Variants in PIP4K2B observed in about 807,000 individuals in gnomAD.
The protein encoded by PIP4K2B is phosphatidylinositol-5-phosphate 4-kinase type 2 beta.
PIP4K2B carries 3 observed loss-of-function variants against 42.0 expected under a neutral mutation model. The ratio of observed to expected loss-of-function variants is 0.07; its 90% CI spans 0.03 to 0.18. The LOEUF (loss-of-function observed/expected upper bound fraction) is 0.18, where lower values mean the gene tolerates loss of function less well. Among genes scored for constraint, PIP4K2B ranks in the 10% least tolerant of loss-of-function variants. PIP4K2B has a pLI of 1.00. For missense variants in PIP4K2B, 332 were observed against 562.3 expected (o/e 0.59, Z 4.14); for synonymous variants, 204 against 210.1 (o/e 0.97, Z 0.25).
intron 7 of PIP4K2B, among the ~76,000 whole-genome samples, 165 bp from the exon 8 acceptor site, chr17:38,771,437 C>CTAAG (rs25540): frequency 0.92 from 140,105 of 151,776 alleles, 64,741 homozygotes; most frequent in East Asian, 1. Flanking sequence ...CGCGAGCTCT[C>CTAAG]TCTAATGGGG....
rs1488649478 is a variant in PIP4K2B, at chr17:38,779,377, C to G, written c.654+6G>C. ...GCACAGCTCCGGCAAACACAGAGCCCTTTACCTTGAGGTCATACTTGCGAT... is the reference window on the plus strand; with the variant it reads ...GCACAGCTCCGGCAAACACAGAGCCGTTTACCTTGAGGTCATACTTGCGAT... On this transcript the variant is annotated splice_donor_region_variant and intron_variant, in intron 5 of 9. Coordinates refer to ENST00000619039, the MANE Select transcript of PIP4K2B (RefSeq NM_003559.5). 1 of 1,605,006 alleles carries G rather than the reference C, an allele frequency of 6.2e-7. No homozygotes were observed. Among genetic ancestry groups the G allele is most frequent in the East Asian group, 2.2e-5 (1 of 44,626 alleles).
intron 1 of PIP4K2B, among the ~76,000 whole-genome samples, chr17:38,793,804 A>G (rs1263480832): frequency 1.3e-5 from 2 of 151,810 alleles, no homozygotes; most frequent in African/African-American, 4.8e-5. Flanking sequence ...ATGGGGAGGT[A>G]GGGGCTTCAT....
In PIP4K2B at chr17:38,799,359, C is replaced by T. The variant is rs1265446333; in HGVS notation, c.66G>A (p.Lys22=). The part of the protein sequence containing the change: ...AVAPLSASKT[K]TKKKHFVCQK... ...GGCACACGAAATGCTTCTTCTTGGT[C>T]TTGGTCTTGCTGGCGCTGAGCGGCG... Residue 22 remains lysine, a synonymous_variant, in exon 1 of 10, where the codon AAG becomes AAA. Coordinates refer to ENST00000619039, the MANE Select transcript of PIP4K2B (RefSeq NM_003559.5). The surrounding 1 kb of genome is among the most constrained non-coding windows in gnomAD (Gnocchi z 4.4). 6.2e-7 allele frequency: 1 copy of T among 1,610,444 alleles called. No homozygotes were observed. Among genetic ancestry groups the T allele is most frequent in the South Asian group, 1.1e-5 (1 of 90,792 alleles).
chr17:38,778,292 G>A (rs770544311), intron 6 of PIP4K2B, 42 bp downstream of exon 6: 1 of 1,601,378 alleles, frequency 6.2e-7, no homozygotes, highest in Non-Finnish European at 8.6e-7. Flanking sequence ...AGTTGTTTCT[G>A]ACTCCAAGCG....
At chr17:38,788,986 G>C (rs142632669) in intron 1 of PIP4K2B, among the ~76,000 whole-genome samples, 2 of 151,946 alleles carry the variant, frequency 1.3e-5, no homozygotes, top group African/African-American at 2.4e-5. Context: ...AGGCATAGTC[G>C]TGTACACCTA....
intron 5 of PIP4K2B, among the ~76,000 whole-genome samples, chr17:38,778,857 A>G (rs949772604): frequency 6.6e-6 from 1 of 152,162 alleles, no homozygotes; most frequent in African/African-American, 2.4e-5. Context: ...GGAGAGAGAG[A>G]AGGAGACTAT....
chr17:38,795,099 C>CA (rs61707682), intron 1 of PIP4K2B, among the ~76,000 whole-genome samples: 2,931 of 41,408 alleles, frequency 0.071, 206 homozygotes, highest in East Asian at 0.24. Context: ...AACTCCATCT[C>CA]AAAAAAAAAA....
At chr17:38,776,136 A>G in intron 7 of PIP4K2B, 1 of 381,578 alleles carries the variant, frequency 2.6e-6, no homozygotes. Flanking sequence ...ATGCCCGGCT[A>G]ATTTTGTATT....
Position 38,799,063 on chromosome 17 carries a change from G to C in PIP4K2B, c.159+203C>G, listed in dbSNP as rs956694529. 3.3e-5 allele frequency among the ~76,000 whole-genome samples: 5 copies of C among 151,878 alleles called. No homozygotes were observed. The highest frequency in any genetic ancestry group is 1.2e-4 in the African/African-American group (5 of 41,338). ...GAGGGAAGGGGAGGTGGCGACGGCAGACCACAGAGACACCAGGCCTCGCGT... is the reference window on the plus strand; with the variant it reads ...GAGGGAAGGGGAGGTGGCGACGGCACACCACAGAGACACCAGGCCTCGCGT... On this transcript the variant is annotated intron_variant, in intron 1 of 9. Coordinates refer to ENST00000619039, the MANE Select transcript of PIP4K2B (RefSeq NM_003559.5). The surrounding 1 kb of genome is among the most constrained non-coding windows in gnomAD (Gnocchi z 4.4).
At chr17:38,785,577 C>A (rs1209553021) in intron 2 of PIP4K2B, among the ~76,000 whole-genome samples, 5 of 151,992 alleles carry the variant, frequency 3.3e-5, no homozygotes, top group Non-Finnish European at 5.9e-5. Flanking sequence ...TACTCAGGAG[C>A]CTGAGGCAGC....
At chr17:38,771,546 C>CAAAAAA (rs58817119) in intron 7 of PIP4K2B, among the ~76,000 whole-genome samples, 6 of 39,776 alleles carry the variant, frequency 1.5e-4, no homozygotes, top group African/African-American at 3.9e-4. Context: ...GAGATGGTCT[C>CAAAAAA]AAAAAAAAAA....
Position 38,799,241 on chromosome 17 carries a change from A to T in PIP4K2B, c.159+25T>A. The T allele has an allele frequency of 6.4e-7, 1 of 1,570,446 alleles. No individual in the cohort carries two copies. Among genetic ancestry groups the T allele is most frequent in the Non-Finnish European group, 8.6e-7 (1 of 1,161,706 alleles). On this transcript the variant is annotated intron_variant, in intron 1 of 9. Transcript: ENST00000619039. This position sits in a 1 kb window ranked among gnomAD's most constrained non-coding sequence, Gnocchi z 4.4. ...CGTGGGAGCGCGCGGGGCCGCGCTC[A>T]GAGGGGCGCGCAGGAGCTGGTTACC...
intron 3 of PIP4K2B, among the ~76,000 whole-genome samples, chr17:38,782,818 T>TCTAGGTTTCACTGTGCTATACA (rs1170941849): frequency 1.3e-5 from 2 of 152,114 alleles, no homozygotes; most frequent in South Asian, 2.1e-4. Flanking sequence ...GGGCATCCAT[T>TCTAGGTTTCACTGTGCTATACA]CTAGGTTTCA....
chr17:38,788,850 G>A (rs1910184208), intron 1 of PIP4K2B, among the ~76,000 whole-genome samples: 1 of 149,476 alleles, frequency 6.7e-6, no homozygotes, highest in Non-Finnish European at 1.5e-5. Context: ...CTACTCGGGA[G>A]GCTGAGGCAG....
At chr17:38,779,607 A>C in intron 4 of PIP4K2B, 78 bp from the exon 5 acceptor site, 1 of 1,348,766 alleles carries the variant, frequency 7.4e-7, no homozygotes, top group Non-Finnish European at 1.1e-6. Context: ...CCAGACTAAA[A>C]TGCTCCCTGG....
chr17:38,771,204 C>T lies in PIP4K2B; in HGVS notation c.876G>A (p.Glu292=). Residue 292 remains glutamate, a synonymous_variant, in exon 8 of 10, where the codon GAG becomes GAA. Coordinates refer to ENST00000619039, the MANE Select transcript of PIP4K2B (RefSeq NM_003559.5). ...LVGIHDVDRA[E]QEEMEVEERA... ...GCTCCTCCACCTCCATCTCCTCCTGCTCTGCCCGGTCCACGTCGTGGATGC... is the reference window on the plus strand; with the variant it reads ...GCTCCTCCACCTCCATCTCCTCCTGTTCTGCCCGGTCCACGTCGTGGATGC... 1.9e-6 allele frequency: 3 copies of T among 1,614,148 alleles called. No individual in the cohort carries two copies. The highest frequency in any genetic ancestry group is 2.5e-6 in the Non-Finnish European group (3 of 1,180,036).
Position 38,796,596 on chromosome 17 carries a change from C to T in PIP4K2B, c.159+2670G>A, listed in dbSNP as rs1470343627. Among the ~76,000 whole-genome samples the T allele has an allele frequency of 2.0e-5, 3 of 152,326 alleles. No individual in the cohort carries two copies. The South Asian group carries it at 6.2e-4, about 32-fold the overall frequency. On this transcript the variant is annotated intron_variant, in intron 1 of 9. Transcript: ENST00000619039. ...TCTCCTTGTTTCCTACACATTCTTC[C>T]TCCACAAAATCCATGGGCTCTTGTC...
intron 1 of PIP4K2B, among the ~76,000 whole-genome samples, chr17:38,791,433 T>TTTTTTTTTG (rs1910335112): frequency 1.3e-5 from 2 of 148,340 alleles, no homozygotes; most frequent in Admixed American, 6.7e-5. Context: ...TTTTTTTTTT[T>TTTTTTTTTG]GAGATAGAGC....
rs978746276 is a variant in PIP4K2B, at chr17:38,768,761, A to G, written c.*930T>C. On this transcript the variant is annotated 3_prime_UTR_variant, in exon 10 of 10. Coordinates refer to ENST00000619039, the MANE Select transcript of PIP4K2B (RefSeq NM_003559.5). ...ATACATCAGTTTCTGAAGTTTTCCC[A>G]AAGGGAAATAACCATTTAAACATGA... 1 of 152,390 alleles carries G rather than the reference A, an allele frequency of 6.6e-6. No homozygotes were observed. The highest frequency in any genetic ancestry group is 1.9e-4 in the East Asian group (1 of 5,200). The allele number at this position is 152,390 out of a possible 1,614,324, so 9.4% of individuals were successfully genotyped here. A position where few individuals can be genotyped will look rare whatever the true frequency, so the allele number is the denominator to read the frequency against.
Sources: gnomAD v4.1 joint callset for allele counts (sites outside exome capture counted in the v4.1 genomes callset) on GRCh38, gnomAD v4.1.1 for gene constraint, Gnocchi (gnomAD v3.1) non-coding constraint, MANE v1.5 for transcripts, NCBI Gene and HGNC (gene_info 2026-07-23, HGNC 2026-07-21) for gene names.